FGF1: variants seen among roughly 807,000 people sequenced by gnomAD.
The protein encoded by FGF1 is beta-endothelial cell growth factor.
A neutral mutation model predicts 13.4 loss-of-function variants in FGF1; 9 were observed. The ratio of observed to expected loss-of-function variants is 0.67; its 90% CI spans 0.40 to 1.17. The LOEUF is 1.17. FGF1 is among the 50% of genes most tolerant of loss of function. The pLI, the probability that FGF1 is intolerant of heterozygous loss-of-function variation, is 0.01. For missense variants in FGF1, 156 were observed against 192.7 expected, an observed-to-expected ratio of 0.81 and a Z score of 1.13; for synonymous variants, 93 against 79.0, an observed-to-expected ratio of 1.18 and a Z score of -0.94.
chr5:142,603,275 T>C (rs1329386155), intron 2 of FGF1, among the ~76,000 whole-genome samples: 1 of 152,150 alleles, frequency 6.6e-6, no homozygotes, highest in African/African-American at 2.4e-5. Flanking sequence ...TTCCTCCAGA[T>C]ATTCACAAGG....
chr5:142,684,443 C>T (rs1774315421), intron 1 of FGF1, among the ~76,000 whole-genome samples: 2 of 152,146 alleles, frequency 1.3e-5, no homozygotes, highest in African/African-American at 4.8e-5. Context: ...ACTAAGTTTG[C>T]TTTGGATTAC....
chr5:142,613,598 G>C (rs750664396), intron 2 of FGF1, among the ~76,000 whole-genome samples: 2 of 152,212 alleles, frequency 1.3e-5, no homozygotes, highest in Admixed American at 6.5e-5. Context: ...ATGCCTGTCT[G>C]GTTCATCCCA....
chr5:142,606,289 A>AT (rs1285498722), intron 2 of FGF1, among the ~76,000 whole-genome samples: 1 of 151,402 alleles, frequency 6.6e-6, no homozygotes, highest in East Asian at 1.9e-4. Flanking sequence ...AAGGTAGAAT[A>AT]TAACATACAG....
intron 1 of FGF1, among the ~76,000 whole-genome samples, chr5:142,619,928 C>A (rs1261500868): frequency 6.6e-6 from 1 of 150,844 alleles, no homozygotes; most frequent in Non-Finnish European, 1.5e-5. Context: ...AAAAATTGCT[C>A]AGAATTAGGT....
At chr5:142,597,383 A>G (rs1014759375) in intron 3 of FGF1, among the ~76,000 whole-genome samples, 1 of 152,210 alleles carries the variant, frequency 6.6e-6, no homozygotes, top group African/African-American at 2.4e-5. Context: ...TAAGTGGGTA[A>G]AAGAATATCC....
At chr5:142,611,545 A>G (rs1178070067) in intron 2 of FGF1, among the ~76,000 whole-genome samples, 1 of 152,222 alleles carries the variant, frequency 6.6e-6, no homozygotes, top group African/African-American at 2.4e-5. Flanking sequence ...GCATAATGGC[A>G]AGAACGTTAA....
intron 2 of FGF1, among the ~76,000 whole-genome samples, chr5:142,604,239 T>G (rs1757169872): frequency 6.6e-6 from 1 of 152,228 alleles, no homozygotes; most frequent in South Asian, 2.1e-4. Flanking sequence ...ACAACTTAAA[T>G]AGGTGAATTG....
chr5:142,677,811 C>T (rs987479174), intron 1 of FGF1, among the ~76,000 whole-genome samples: 1 of 152,174 alleles, frequency 6.6e-6, no homozygotes, highest in Non-Finnish European at 1.5e-5. Flanking sequence ...AGGTCTTATT[C>T]CTGCCTTCAT....
chr5:142,688,664 G>C (rs539976290), upstream of FGF1, among the ~76,000 whole-genome samples: 2 of 152,272 alleles, frequency 1.3e-5, no homozygotes, highest in African/African-American at 4.8e-5. Flanking sequence ...ACTGCAGAGG[G>C]GTCCCTGGAG....
Position 142,618,364 on chromosome 5 carries a change from C to T in FGF1, c.-34-4203G>A, listed in dbSNP as rs377388176. On this transcript the variant is annotated intron_variant, in intron 1 of 3. Transcript: ENST00000337706. ...ACCACTTTGGCTCTGGGAACCCGGG[C>T]GAGTCATTCACTCCTTCTGAGATGT... is the stretch of plus-strand genomic sequence containing the variant. Among the ~76,000 whole-genome samples the T allele has an allele frequency of 7.2e-5, 11 of 152,220 alleles. No individual in the cohort carries two copies. In the South Asian group the frequency reaches 8.3e-4, roughly 12 times the overall value.
At chr5:142,636,549 C>T (rs1229639012) in intron 1 of FGF1, among the ~76,000 whole-genome samples, 1 of 152,214 alleles carries the variant, frequency 6.6e-6, no homozygotes, top group Non-Finnish European at 1.5e-5. Flanking sequence ...CACAGAGAGG[C>T]TCTCTTGAAG....
intron 1 of FGF1, among the ~76,000 whole-genome samples, chr5:142,622,814 A>G (rs1471790094): frequency 6.6e-6 from 1 of 152,238 alleles, no homozygotes; most frequent in Non-Finnish European, 1.5e-5. Flanking sequence ...GGTCTGAGGT[A>G]GGAGTGTAGC....
chr5:142,633,072 A>C (rs1763623411), intron 1 of FGF1, among the ~76,000 whole-genome samples: 1 of 152,176 alleles, frequency 6.6e-6, no homozygotes, highest in African/African-American at 2.4e-5. Context: ...GGCGCCCGCC[A>C]CCACACCCGG....
At chr5:142,597,378 G>C (rs1283518191) in intron 3 of FGF1, among the ~76,000 whole-genome samples, 1 of 152,108 alleles carries the variant, frequency 6.6e-6, no homozygotes, top group African/African-American at 2.4e-5. Context: ...TTGGTTAAGT[G>C]GGTAAAAGAA....
chr5:142,693,450 C>T (rs1345525960), intron 2 of FGF1, among the ~76,000 whole-genome samples: 2 of 150,372 alleles, frequency 1.3e-5, no homozygotes, highest in African/African-American at 5.0e-5. Flanking sequence ...CGCCACCACA[C>T]CCGGCTAATT....
chr5:142,672,500 GTTTTTTTTTTT>G (rs34954693), intron 1 of FGF1, among the ~76,000 whole-genome samples: 1 of 123,362 alleles, frequency 8.1e-6, no homozygotes, highest in South Asian at 2.7e-4. Flanking sequence ...TTTCTGTACA[GTTTTTTTTTTT>G]TTTTTTTTTT....
intron 1 of FGF1, among the ~76,000 whole-genome samples, chr5:142,637,275 T>C (rs2151942292): frequency 6.6e-6 from 1 of 151,442 alleles, no homozygotes; most frequent in East Asian, 1.9e-4. Flanking sequence ...AATGTGGAGG[T>C]CATTGACCTC....
At chr5:142,667,738 G>C (rs143149787) in intron 1 of FGF1, among the ~76,000 whole-genome samples, 1 of 152,134 alleles carries the variant, frequency 6.6e-6, no homozygotes, top group Non-Finnish European at 1.5e-5. Context: ...TGAAGGCCTC[G>C]GCGGGCTCTG....
At chr5:142,599,917 A>T (rs547210568) in intron 3 of FGF1, among the ~76,000 whole-genome samples, 2 of 152,348 alleles carry the variant, frequency 1.3e-5, no homozygotes, top group East Asian at 3.9e-4. Context: ...TAAATGTTGA[A>T]TTAAGTTATT....
Sources: gnomAD v4.1 joint callset for allele counts (sites outside exome capture counted in the v4.1 genomes callset) on GRCh38, gnomAD v4.1.1 for gene constraint, MANE v1.5 for transcripts, NCBI Gene and HGNC (gene_info 2026-07-23, HGNC 2026-07-21) for gene names.